KIAA1549L: variants seen among roughly 807,000 people sequenced by gnomAD.
KIAA1549L encodes KIAA1549 like, also known as UPF0606 protein KIAA1549L.
In KIAA1549L, 88 loss-of-function variants were observed where a neutral mutation model predicts 160.7. That is an observed-to-expected ratio of 0.55 (90% CI 0.46 to 0.65). The LOEUF is 0.65. Ranked by LOEUF, KIAA1549L falls within the 30% of genes least tolerant of loss-of-function variation. The probability of loss-of-function intolerance (pLI) is 0.00; values close to 1 mark genes in which losing one functional copy is unlikely to be tolerated. For missense variants in KIAA1549L, 2,258 were observed against 2,437.5 expected, an observed-to-expected ratio of 0.93 and a Z score of 1.55; for synonymous variants, 950 against 976.7, an observed-to-expected ratio of 0.97 and a Z score of 0.51.
chr11:33,478,431 A>G (rs1852338978), intron 1 of KIAA1549L, among the ~76,000 whole-genome samples: 1 of 152,232 alleles, frequency 6.6e-6, no homozygotes, highest in East Asian at 1.9e-4. Context: ...AGAGCGAAAG[A>G]GGTTTTTTCA....
intron 10 of KIAA1549L, among the ~76,000 whole-genome samples, chr11:33,580,486 A>G (rs961832346): frequency 2.7e-5 from 4 of 148,680 alleles, no homozygotes; most frequent in Non-Finnish European, 5.9e-5. Context: ...ATGCACAAGA[A>G]TGGCTTGAAA....
At chr11:33,472,890 G>A (rs1852209862) in intron 1 of KIAA1549L, among the ~76,000 whole-genome samples, 1 of 152,158 alleles carries the variant, frequency 6.6e-6, no homozygotes, top group African/African-American at 2.4e-5. Context: ...TTACCTCCAG[G>A]CTGTTTCCAG....
intron 1 of KIAA1549L, among the ~76,000 whole-genome samples, chr11:33,527,399 G>T (rs991538903): frequency 1.7e-4 from 26 of 152,172 alleles, no homozygotes; most frequent in Non-Finnish European, 2.9e-5. Context: ...ACATGTAGAG[G>T]AGTGAAACTG....
At chr11:33,563,876 C>T (rs778736267) in intron 8 of KIAA1549L, among the ~76,000 whole-genome samples, 5 of 152,170 alleles carry the variant, frequency 3.3e-5, no homozygotes, top group Admixed American at 1.3e-4. Context: ...TCACTCTTCA[C>T]CACAGGCTGT....
intron 1 of KIAA1549L, among the ~76,000 whole-genome samples, chr11:33,411,403 C>T (rs1040853095): frequency 2.6e-5 from 4 of 152,288 alleles, no homozygotes; most frequent in Non-Finnish European, 5.9e-5. Flanking sequence ...CAGCCTGCTC[C>T]TGCTGCAGGT....
intron 12 of KIAA1549L, among the ~76,000 whole-genome samples, chr11:33,598,341 G>A (rs894644849): frequency 3.3e-5 from 5 of 152,054 alleles, no homozygotes; most frequent in Admixed American, 6.6e-5. Context: ...AGAGCAGCCC[G>A]AAAACTGAAA....
chr11:33,650,870 A>G (rs78578689), intron 17 of KIAA1549L, among the ~76,000 whole-genome samples: 1,591 of 152,234 alleles, frequency 0.01, 35 homozygotes, highest in African/African-American at 0.036. Flanking sequence ...AGGAGGGGGA[A>G]TTTTGTGCTG....
intron 1 of KIAA1549L, among the ~76,000 whole-genome samples, chr11:33,541,135 CAT>C (rs1354576342): frequency 6.6e-6 from 1 of 152,178 alleles, no homozygotes; most frequent in Non-Finnish European, 1.5e-5. Context: ...TGGGGCCACA[CAT>C]GAGTGTTGAT....
chr11:33,400,495 G>C (rs1370595197), intron 1 of KIAA1549L, among the ~76,000 whole-genome samples: 2 of 152,192 alleles, frequency 1.3e-5, no homozygotes, highest in South Asian at 2.1e-4. Flanking sequence ...TCATGGTCTA[G>C]GATAATGCTA....
chr11:33,521,279 A>G (rs1320701855), intron 1 of KIAA1549L, among the ~76,000 whole-genome samples: 2 of 152,216 alleles, frequency 1.3e-5, no homozygotes, highest in Admixed American at 6.5e-5. Flanking sequence ...GTGAGGCAGG[A>G]TACAGTTGCG....
intron 4 of KIAA1549L, among the ~76,000 whole-genome samples, chr11:33,548,203 G>T (rs1423839396): frequency 6.6e-6 from 1 of 152,068 alleles, no homozygotes. Flanking sequence ...GTTTGAGACC[G>T]GTCTGGGCAA....
intron 9 of KIAA1549L, among the ~76,000 whole-genome samples, chr11:33,573,373 G>A (rs141896082): frequency 3.1e-4 from 47 of 152,068 alleles, no homozygotes; most frequent in African/African-American, 9.6e-4. Context: ...TACCATCCAC[G>A]CCTGTATCTC....
At chr11:33,628,369 A>G (rs534019821) in intron 16 of KIAA1549L, among the ~76,000 whole-genome samples, 4 of 151,610 alleles carry the variant, frequency 2.6e-5, no homozygotes, top group African/African-American at 9.7e-5. Flanking sequence ...TGATCTGTCT[A>G]ATGTTGACAG....
intron 1 of KIAA1549L, among the ~76,000 whole-genome samples, chr11:33,491,084 A>C (rs1415092600): frequency 6.6e-6 from 1 of 152,230 alleles, no homozygotes; most frequent in Non-Finnish European, 1.5e-5. Flanking sequence ...GAGTTTCTTG[A>C]GGGCTGAGAC....
At chr11:33,630,345 A>T (rs950899260) in intron 16 of KIAA1549L, among the ~76,000 whole-genome samples, 7 of 152,156 alleles carry the variant, frequency 4.6e-5, no homozygotes, top group Non-Finnish European at 1.0e-4. Flanking sequence ...TTACCTAAGC[A>T]AGCCTGGGCA....
At chr11:33,509,575 A>C (rs1394791887) in intron 1 of KIAA1549L, among the ~76,000 whole-genome samples, 1 of 152,194 alleles carries the variant, frequency 6.6e-6, no homozygotes. Context: ...AGGAGCCATA[A>C]AATTTTCATA....
At chr11:33,630,087 C>G (rs191693858) in intron 16 of KIAA1549L, among the ~76,000 whole-genome samples, 5 of 150,902 alleles carry the variant, frequency 3.3e-5, no homozygotes, top group Non-Finnish European at 4.4e-5. Context: ...GTGCCTCCCA[C>G]TTAGGCTGCT....
intron 15 of KIAA1549L, among the ~76,000 whole-genome samples, chr11:33,612,599 G>GTT (rs112294501): frequency 1.5e-4 from 22 of 143,168 alleles, no homozygotes; most frequent in African/African-American, 2.0e-4. Context: ...AGACTGGGTA[G>GTT]TTTTTTTTTT....
At chr11:33,434,564 G>C (rs1428495160) in intron 1 of KIAA1549L, among the ~76,000 whole-genome samples, 1 of 152,184 alleles carries the variant, frequency 6.6e-6, no homozygotes, top group Non-Finnish European at 1.5e-5. Flanking sequence ...GCTTGCACAA[G>C]CTAGCTGCAC....
Sources: gnomAD v4.1 joint callset for allele counts (sites outside exome capture counted in the v4.1 genomes callset) on GRCh38, gnomAD v4.1.1 for gene constraint, MANE v1.5 for transcripts, NCBI Gene and HGNC (gene_info 2026-07-23, HGNC 2026-07-21) for gene names.